SLF2: variants seen among roughly 807,000 people sequenced by gnomAD.
The protein encoded by SLF2 is SMC5-SMC6 complex localization factor protein 2.
In SLF2, 68 loss-of-function variants were observed where a neutral mutation model predicts 124.3. That is an observed-to-expected ratio of 0.55 (90% CI 0.45 to 0.67). The LOEUF (loss-of-function observed/expected upper bound fraction) is 0.67. Among genes scored for constraint, SLF2 ranks in the 30% least tolerant of loss-of-function variants. The pLI, the probability that SLF2 is intolerant of heterozygous loss-of-function variation, is 0.00. For missense variants in SLF2, 1,246 were observed against 1,373.7 expected, an observed-to-expected ratio of 0.91 and a Z score of 1.47; for synonymous variants, 480 against 478.8, an observed-to-expected ratio of 1.00 and a Z score of -0.03.
intron 15 of SLF2, among the ~76,000 whole-genome samples, chr10:100,948,969 C>T (rs1320471078): frequency 1.3e-5 from 2 of 152,150 alleles, no homozygotes; most frequent in Non-Finnish European, 2.9e-5. Context: ...GCCACCAGAT[C>T]CTAGGAATTA....
intron 4 of SLF2, among the ~76,000 whole-genome samples, chr10:100,922,569 T>G (rs1291664910): frequency 6.6e-6 from 1 of 152,100 alleles, no homozygotes; most frequent in African/African-American, 2.4e-5. Context: ...AAAATTTGAT[T>G]TAGGGAAATC....
intron 17 of SLF2, 31 bp downstream of exon 17, chr10:100,950,784 T>A: frequency 6.5e-7 from 1 of 1,545,930 alleles, no homozygotes; most frequent in Non-Finnish European, 8.9e-7. Flanking sequence ...TTGCTGCTGT[T>A]TTTAAATAGG....
chr10:100,950,144 GAA>G lies in SLF2; in HGVS notation c.3193_3194del (p.Lys1065GlyfsTer2). On this transcript the variant is annotated frameshift_variant, in exon 16 of 20. Transcript: ENST00000238961. LOFTEE classifies it high-confidence loss of function. ...ATTTGTTAAAGAAAATGGTCTTGAA[GAA>G]AAAGGCTGAACAACCAGATGGCATT... is the stretch of plus-strand genomic sequence containing the variant. ...SDLLKKMVLK[K>X]KAEQPDGIID... The G allele has an allele frequency of 6.2e-7, 1 of 1,613,822 alleles. No homozygotes were observed. Among genetic ancestry groups the G allele is most frequent in the Non-Finnish European group, 8.5e-7 (1 of 1,179,916 alleles).
intron 9 of SLF2, among the ~76,000 whole-genome samples, chr10:100,933,470 T>C (rs1849785308): frequency 1.3e-5 from 2 of 152,216 alleles, no homozygotes; most frequent in African/African-American, 4.8e-5. Flanking sequence ...TTCATTTTAA[T>C]GCTATACTCC....
chr10:100,951,447 A>G (rs1175588902), intron 17 of SLF2, among the ~76,000 whole-genome samples: 1 of 152,244 alleles, frequency 6.6e-6, no homozygotes. Flanking sequence ...GAGAACTGCT[A>G]CCATCTGTAG....
intron 1 of SLF2, among the ~76,000 whole-genome samples, chr10:100,915,598 A>T (rs185441430): frequency 8.2e-4 from 125 of 152,302 alleles, no homozygotes; most frequent in African/African-American, 2.7e-3. Context: ...CTGTGCTTAG[A>T]TACCAAGTAA....
intron 6 of SLF2, among the ~76,000 whole-genome samples, chr10:100,928,522 A>T (rs1374072007): frequency 1.3e-5 from 2 of 152,172 alleles, no homozygotes; most frequent in African/African-American, 4.8e-5. Context: ...CTTTTCTATA[A>T]TGATAGAACA....
At chr10:100,947,488 T>A (rs1433328998) in intron 14 of SLF2, among the ~76,000 whole-genome samples, 2 of 151,982 alleles carry the variant, frequency 1.3e-5, no homozygotes, top group Non-Finnish European at 2.9e-5. Flanking sequence ...ATTTCATCAG[T>A]AAAAAAATAG....
intron 19 of SLF2, among the ~76,000 whole-genome samples, chr10:100,960,181 G>C (rs1373001135): frequency 6.6e-6 from 1 of 152,082 alleles, no homozygotes; most frequent in African/African-American, 2.4e-5. Context: ...CTACTTATCA[G>C]ACATTTGTAT....
intron 14 of SLF2, 38 bp from the exon 15 acceptor site, chr10:100,947,722 T>C (rs373882711): frequency 1.0e-5 from 15 of 1,434,030 alleles, no homozygotes; most frequent in Non-Finnish European, 1.5e-5. Context: ...CAGTATTAAT[T>C]AAAATACATT....
chr10:100,924,934 C>G lies in SLF2; in HGVS notation c.1933C>G (p.Leu645Val), dbSNP rs767448460. The G allele has an allele frequency of 3.7e-6, 6 of 1,613,934 alleles. No homozygotes were observed. The highest frequency in any genetic ancestry group is 2.2e-5 in the South Asian group (2 of 91,076). ...TGCAGCTACAGGAAAGCCTCCTGCTCTTTCCAAGGGGCTTAGATCTCAGTC... is the reference window on the plus strand; with the variant it reads ...TGCAGCTACAGGAAAGCCTCCTGCTGTTTCCAAGGGGCTTAGATCTCAGTC... ...TPAATGKPPA[L>V]SKGLRSQSSD... The change falls in exon 5 of 20, where the codon CTT becomes GTT. Residue 645 changes from leucine (L) to valine (V), a missense_variant. By Grantham distance (32) the Leu-to-Val change is conservative (BLOSUM62 1). Transcript: ENST00000238961.
intron 3 of SLF2, among the ~76,000 whole-genome samples, chr10:100,917,938 A>T (rs1441623336): frequency 2.0e-5 from 3 of 151,826 alleles, no homozygotes; most frequent in Non-Finnish European, 4.4e-5. Context: ...AAATAAATAA[A>T]TAACCAGTCA....
chr10:100,920,416 A>G (rs1273528577), intron 4 of SLF2, among the ~76,000 whole-genome samples: 3 of 152,186 alleles, frequency 2.0e-5, no homozygotes, highest in South Asian at 2.1e-4. Context: ...ACTGCTTGGA[A>G]AAGATGCTTT....
In SLF2 at chr10:100,949,072, T is replaced by G. The variant is rs966883537; in HGVS notation, c.3121-1004T>G. 4.6e-5 allele frequency among the ~76,000 whole-genome samples: 7 copies of G among 152,326 alleles called. No homozygotes were observed. In the South Asian group the frequency reaches 6.2e-4, roughly 14 times the overall value. ...AACCAACTCTTATGGGTTAGTGTGG[T>G]AAGAACAGTAATCGAAGCATGCACG... On this transcript the variant is annotated intron_variant, in intron 15 of 19. Coordinates refer to ENST00000238961, the MANE Select transcript of SLF2 (RefSeq NM_018121.4).
chr10:100,947,801 T>C lies in SLF2; in HGVS notation c.3074T>C (p.Leu1025Pro), dbSNP rs1850132984. ...QCLSLVIISKLLDEKHEDVPN... is the reference protein window; with the variant it reads ...QCLSLVIISKPLDEKHEDVPN... ...CTCAGTCTAGTGATTATTTCAAAGCTTTTGGATGAGAAACACGAAGATGTT... is the reference window on the plus strand; with the variant it reads ...CTCAGTCTAGTGATTATTTCAAAGCCTTTGGATGAGAAACACGAAGATGTT... Residue 1025 changes from leucine (L) to proline (P), a missense_variant, in exon 15 of 20, where the codon CTT becomes CCT. By Grantham distance (98) the Leu-to-Pro change is moderately conservative. This residue lies in a region of SLF2 where 535 missense variants were observed against 632.8 expected (regional missense o/e 0.85). Transcript: ENST00000238961. 1.9e-6 allele frequency: 3 copies of C among 1,612,076 alleles called. No homozygotes were observed. Among genetic ancestry groups the C allele is most frequent in the Admixed American group, 1.7e-5 (1 of 59,994 alleles).
At chr10:100,957,050 C>T (rs183979887) in intron 18 of SLF2, among the ~76,000 whole-genome samples, 12 of 152,318 alleles carry the variant, frequency 7.9e-5, no homozygotes, top group Admixed American at 5.2e-4. Context: ...AGCAAATACA[C>T]TTTTCACTTT....
At chr10:100,948,843 G>A (rs766349506) in intron 15 of SLF2, among the ~76,000 whole-genome samples, 4 of 152,106 alleles carry the variant, frequency 2.6e-5, no homozygotes, top group Admixed American at 1.3e-4. Context: ...CCGAGATCAC[G>A]CCACCGCACT....
chr10:100,916,465 G>C, intron 2 of SLF2, 105 bp from the exon 3 acceptor site: 1 of 991,952 alleles, frequency 1.0e-6, no homozygotes, highest in Non-Finnish European at 1.3e-6. Flanking sequence ...AATTTTTGTG[G>C]TAACATTAGT....
At chr10:100,923,404 T>C (rs1267364953) in intron 4 of SLF2, among the ~76,000 whole-genome samples, 1 of 152,202 alleles carries the variant, frequency 6.6e-6, no homozygotes, top group East Asian at 1.9e-4. Flanking sequence ...TAGCATCTTT[T>C]CCTTGTGTAT....
Sources: gnomAD v4.1 joint callset for allele counts (sites outside exome capture counted in the v4.1 genomes callset) on GRCh38, gnomAD v4.1.1 for gene constraint, gnomAD v4.1.1 regional missense constraint, MANE v1.5 for transcripts, NCBI Gene and HGNC (gene_info 2026-07-23, HGNC 2026-07-21) for gene names.